FAM83C: variants seen among roughly 807,000 people sequenced by gnomAD.
The protein encoded by FAM83C is protein FAM83C.
In FAM83C, 23 loss-of-function variants were observed where a neutral mutation model predicts 27.1. The ratio of observed to expected loss-of-function variants is 0.85; its 90% CI spans 0.61 to 1.20. The LOEUF (loss-of-function observed/expected upper bound fraction) is 1.20, where lower values mean the gene tolerates loss of function less well. Ranked by LOEUF, FAM83C falls within the 50% of genes most tolerant of loss-of-function variation. The pLI is 0.00. For missense variants in FAM83C, 984 were observed against 1,001.3 expected, an observed-to-expected ratio of 0.98 and a Z score of 0.23; for synonymous variants, 426 against 423.1, an observed-to-expected ratio of 1.01 and a Z score of -0.09.
intron 1 of FAM83C, among the ~76,000 whole-genome samples, chr20:35,289,355 T>C (rs1313321652): frequency 6.6e-6 from 1 of 151,314 alleles, no homozygotes; most frequent in Admixed American, 6.6e-5. Context: ...TCTTTTTTTT[T>C]TTTGAGACAG....
Position 35,291,853 on chromosome 20 carries a change from T to C in FAM83C, c.452A>G (p.Gln151Arg), listed in dbSNP as rs1308955945. 7.4e-6 allele frequency: 12 copies of C among 1,614,072 alleles called. No individual in the cohort carries two copies. Among genetic ancestry groups the C allele is most frequent in the Non-Finnish European group, 1.0e-5 (12 of 1,180,028 alleles). The part of the protein sequence containing the change: ...FSPTQAVVHF[Q>R]RDKAKNIKDL... ...CTTGATGTTCTTGGCCTTGTCCCTC[T>C]GGAAGTGGACCACAGCCTGGGTGGG... The change falls in exon 1 of 4, where the codon CAG (glutamine) becomes CGG (arginine). Residue 151 changes from glutamine to arginine, a missense_variant. Transcript: ENST00000374408.
chr20:35,291,796 T>C lies in FAM83C; in HGVS notation c.509A>G (p.His170Arg), dbSNP rs2146275629. 1 of 1,614,012 alleles carries C rather than the reference T, an allele frequency of 6.2e-7. No homozygotes were observed. The highest frequency in any genetic ancestry group is 1.7e-5 in the Admixed American group (1 of 60,028). Residue 170 changes from histidine to arginine, a missense_variant, in exon 1 of 4, where the codon CAC becomes CGC. Coordinates refer to ENST00000374408, the MANE Select transcript of FAM83C (RefSeq NM_178468.6). ...ATGGAGAGATGAGGCCCTTACCGTG[T>C]GGGCCTGGCTGAAAAGGAAGCGCAG... Reference protein sequence around the residue: ...DLLRFLFSQAHTVVAVVMDIF... With the variant: ...DLLRFLFSQARTVVAVVMDIF...
chr20:35,287,015 G>A lies in FAM83C; in HGVS notation c.1764C>T (p.Asn588=), dbSNP rs1381229875. 1 of 1,608,006 alleles carries A rather than the reference G, an allele frequency of 6.2e-7. No homozygotes were observed. The highest frequency in any genetic ancestry group is 1.3e-5 in the African/African-American group (1 of 74,910). ...GGAGGTCTGATTGGCCACGGCTTTG[G>A]TTTAGGGACAGCCTCCTGTCCTCCA... ...RALEDRRLSL[N]QSRGQSDLLM... Residue 588 remains asparagine, a synonymous_variant, in exon 4 of 4, where the codon AAC becomes AAT. Coordinates refer to ENST00000374408, the MANE Select transcript of FAM83C (RefSeq NM_178468.6).
chr20:35,292,406 C>T lies in FAM83C; in HGVS notation c.-102G>A. 1 of 1,412,060 alleles carries T rather than the reference C, an allele frequency of 7.1e-7. No homozygotes were observed. The highest frequency in any genetic ancestry group is 9.2e-7 in the Non-Finnish European group (1 of 1,083,166). The allele number at this position is 1,412,060 out of a possible 1,614,324, so 87.5% of individuals were successfully genotyped here. On this transcript the variant is annotated 5_prime_UTR_variant, in exon 1 of 4. Transcript: ENST00000374408. ...ACCAGCAGAACCGCCTTCTGCCCGC[C>T]CGCTCGCTGTGTGTGTGGCAGGGCC...
Position 35,287,742 on chromosome 20 carries a change from G to A in FAM83C, c.1037C>T (p.Thr346Ile), listed in dbSNP as rs1254208444. ...PSPTSSLPSSTSLSSIKQSPL... is the reference protein window; with the variant it reads ...PSPTSSLPSSISLSSIKQSPL... Reference sequence around the variant, plus strand: ...TGACTGCTTGATGCTGCTGAGGCTGGTGCTGGAGGGCAGGGACGACGTGGG... The same window carrying A: ...TGACTGCTTGATGCTGCTGAGGCTGATGCTGGAGGGCAGGGACGACGTGGG... The change falls in exon 4 of 4, where the codon ACC becomes ATC. Residue 346 changes from threonine to isoleucine, a missense_variant. Physicochemically the swap from Thr to Ile is moderately conservative, Grantham distance 89 (BLOSUM62 -1). Coordinates refer to ENST00000374408, the MANE Select transcript of FAM83C (RefSeq NM_178468.6). 1.2e-6 allele frequency: 2 copies of A among 1,613,888 alleles called. No homozygotes were observed. The highest frequency in any genetic ancestry group is 3.3e-5 in the Admixed American group (2 of 59,996).
At position 35,287,460 on chromosome 20, in the gene FAM83C, G is replaced by A. The variant is rs763937401; in HGVS notation, c.1319C>T (p.Ala440Val). The A allele has an allele frequency of 2.5e-6, 4 of 1,614,196 alleles. No individual in the cohort carries two copies. Among genetic ancestry groups the A allele is most frequent in the Non-Finnish European group, 3.4e-6 (4 of 1,180,020 alleles). The change falls in exon 4 of 4, where the codon GCA becomes GTA. Residue 440 changes from alanine to valine, a missense_variant. Ala to Val is a moderately conservative substitution (Grantham distance 64). Transcript: ENST00000374408. ...GCGAGGAAGCAGAGGTGACCCCACT[G>A]CCAAGGTTAAGGGGCTGGTACTATT... ...NHNSTSPLTL[A>V]VGSPLLPRSR...
At chr20:35,290,861 G>A (rs1269682690) in intron 1 of FAM83C, among the ~76,000 whole-genome samples, 2 of 152,300 alleles carry the variant, frequency 1.3e-5, no homozygotes, top group East Asian at 3.9e-4. Context: ...AGGCTTGCCA[G>A]GGAGGCTCTG....
chr20:35,288,012 A>G lies in FAM83C; in HGVS notation c.807-40T>C, dbSNP rs1420464137. On this transcript the variant is annotated intron_variant, in intron 3 of 3. Transcript: ENST00000374408. ...ACAGGGGGGTCAGGAGGCAAAGTGC[A>G]GGATCCTGGGGGTCGGCAGGAGTCA... The G allele has an allele frequency of 2.6e-6, 4 of 1,524,606 alleles. No individual in the cohort carries two copies. In the Admixed American group the frequency reaches 5.9e-5, roughly 23 times the overall value. The allele number at this position is 1,524,606 out of a possible 1,614,324, so 94.4% of individuals were successfully genotyped here. A position where few individuals can be genotyped will look rare whatever the true frequency, so the allele number is the denominator to read the frequency against.
chr20:35,289,600 G>A (rs569539751), intron 1 of FAM83C, among the ~76,000 whole-genome samples: 2 of 152,160 alleles, frequency 1.3e-5, no homozygotes, highest in East Asian at 3.9e-4. Context: ...GACTCCCAAA[G>A]TGCTGTGATT....
chr20:35,288,989 C>T (rs1362818106), intron 1 of FAM83C, 31 bp from the exon 2 acceptor site: 30 of 1,604,604 alleles, frequency 1.9e-5, no homozygotes, highest in Non-Finnish European at 2.5e-5. Context: ...GAAAGCTCAG[C>T]GCTGCCCAGG....
chr20:35,288,050 C>T, intron 3 of FAM83C, 78 bp from the exon 4 acceptor site: 1 of 1,274,790 alleles, frequency 7.8e-7, no homozygotes. Flanking sequence ...GCCAGGGGTG[C>T]ATACCTGGTC....
In FAM83C at chr20:35,288,821, G is replaced by A. The variant is rs2060838225; in HGVS notation, c.651C>T (p.Tyr217=). The change falls in exon 2 of 4, where the codon TAC becomes TAT. Residue 217 remains tyrosine, a synonymous_variant. Coordinates refer to ENST00000374408, the MANE Select transcript of FAM83C (RefSeq NM_178468.6). ...EHLRHFLEMC[Y]KMDLNGEHLP... ...GGTGCTCCCCATTGAGGTCCATCTT[G>A]TAGCACATCTCCAGGAAGTGCCTCA... 1.2e-6 allele frequency: 2 copies of A among 1,613,438 alleles called. No individual in the cohort carries two copies. The highest frequency in any genetic ancestry group is 1.7e-6 in the Non-Finnish European group (2 of 1,179,688).
In FAM83C at chr20:35,287,248, GGA is replaced by G; in HGVS notation, c.1529_1530del (p.Leu510ProfsTer14). 9 of 1,613,168 alleles carry G rather than the reference GGA, an allele frequency of 5.6e-6. No individual in the cohort carries two copies. Among genetic ancestry groups the G allele is most frequent in the Non-Finnish European group, 7.6e-6 (9 of 1,180,038 alleles). On this transcript the variant is annotated frameshift_variant, in exon 4 of 4. Transcript: ENST00000374408. LOFTEE classifies it low-confidence loss of function (END_TRUNC). ...TCTCGGGCTCTGGGGAAGGGGACAA[GGA>G]GATCCAGCTGGCCACGGCTCTGACT... ...SPSQSRGQLD[L>X]LVPFPRAREV... is the part of the protein sequence containing the mutation.
chr20:35,286,991 G>A lies in FAM83C; in HGVS notation c.1788C>T (p.Leu596=). ...CCTGGGCCTTGGGGTACTGCATCAG[G>A]AGGTCTGATTGGCCACGGCTTTGGT... is the stretch of plus-strand genomic sequence containing the variant. ...SLNQSRGQSD[L]LMQYPKAQGS... The change falls in exon 4 of 4, where the codon CTC becomes CTT. Residue 596 remains leucine, a synonymous_variant. Transcript: ENST00000374408. 1 of 1,611,502 alleles carries A rather than the reference G, an allele frequency of 6.2e-7. No individual in the cohort carries two copies. Among genetic ancestry groups the A allele is most frequent in the Non-Finnish European group, 8.5e-7 (1 of 1,180,022 alleles).
intron 1 of FAM83C, among the ~76,000 whole-genome samples, chr20:35,291,436 G>A (rs2060846579): frequency 6.6e-6 from 1 of 152,168 alleles, no homozygotes; most frequent in Non-Finnish European, 1.5e-5. Context: ...TCTTAGTGTG[G>A]GGATCATAAA....
intron 1 of FAM83C, among the ~76,000 whole-genome samples, chr20:35,290,923 C>G (rs538432365): frequency 6.6e-6 from 1 of 152,194 alleles, no homozygotes; most frequent in Non-Finnish European, 1.5e-5. Flanking sequence ...GCAGCAGGAG[C>G]CTAACTCTCC....
chr20:35,292,265 C>T lies in FAM83C; in HGVS notation c.40G>A (p.Gly14Ser), dbSNP rs1363595771. ...GPGPGVLGAQ[G>S]MAGPLRGRVE... ...CGGCCCCGCAGGGGTCCCGCCATGC[C>T]CTGGGCTCCCAGGACCCCAGGCCCC... The change falls in exon 1 of 4, where the codon GGC (glycine) becomes AGC (serine). Residue 14 changes from glycine (G) to serine (S), a missense_variant. Physicochemically the swap from Gly to Ser is moderately conservative, Grantham distance 56 (BLOSUM62 0). Transcript: ENST00000374408. The T allele has an allele frequency of 3.8e-6, 6 of 1,562,168 alleles. No homozygotes were observed. Among genetic ancestry groups the T allele is most frequent in the Non-Finnish European group, 5.2e-6 (6 of 1,161,670 alleles).
rs565932230 is a variant in FAM83C, at chr20:35,292,240, C to T, written c.65G>A (p.Arg22Gln). Residue 22 changes from arginine (R) to glutamine (Q), a missense_variant, in exon 1 of 4, where the codon CGG (arginine) becomes CAG (glutamine). By Grantham distance (43) the Arg-to-Gln change is conservative (BLOSUM62 1). Transcript: ENST00000374408. Reference protein sequence around the residue: ...AQGMAGPLRGRVEELKLPWWR... With the variant: ...AQGMAGPLRGQVEELKLPWWR... ...CCACGGCAGCTTCAGCTCTTCCACC[C>T]GGCCCCGCAGGGGTCCCGCCATGCC... 346 of 1,562,590 alleles carry T rather than the reference C, an allele frequency of 2.2e-4. 11 individuals carry two copies. In the South Asian group the frequency reaches 3.5e-3, roughly 16 times the overall value.
At chr20:35,289,097 T>C in intron 1 of FAM83C, 139 bp from the exon 2 acceptor site, 1 of 1,116,666 alleles carries the variant, frequency 9.0e-7, no homozygotes, top group Non-Finnish European at 1.3e-6. Flanking sequence ...CAAGAGCAAG[T>C]GAACAGGAAG....
Sources: gnomAD v4.1 joint callset for allele counts (sites outside exome capture counted in the v4.1 genomes callset) on GRCh38, gnomAD v4.1.1 for gene constraint, MANE v1.5 for transcripts, NCBI Gene and HGNC (gene_info 2026-07-23, HGNC 2026-07-21) for gene names.